AGBL1: variants seen among roughly 807,000 people sequenced by gnomAD.
AGBL1 encodes cytosolic carboxypeptidase 4.
A neutral mutation model predicts 118.9 loss-of-function variants in AGBL1; 130 were observed. That is an observed-to-expected ratio of 1.09 (90% CI 0.95 to 1.26). The LOEUF (loss-of-function observed/expected upper bound fraction) is 1.26. Ranked by LOEUF, AGBL1 falls within the 50% of genes most tolerant of loss-of-function variation. AGBL1 has a pLI of 0.00. For synonymous variants in AGBL1, 555 were observed against 478.9 expected, an observed-to-expected ratio of 1.16 and a Z score of -2.08; for missense variants, 1,584 against 1,298.1, an observed-to-expected ratio of 1.22 and a Z score of -3.38.
chr15:86,262,648 G>T (rs1040737336), intron 9 of AGBL1, 130 bp from the exon 10 acceptor site: 1 of 709,362 alleles, frequency 1.4e-6, no homozygotes, highest in Non-Finnish European at 2.6e-6. Context: ...CACTGGATGG[G>T]CCAGTGCTAT....
intron 5 of AGBL1, among the ~76,000 whole-genome samples, chr15:86,184,429 C>CTTTTTTT (rs199807402): frequency 9.0e-5 from 13 of 144,450 alleles, no homozygotes; most frequent in East Asian, 6.1e-4. Flanking sequence ...TTTCTTTTTT[C>CTTTTTTT]TTTCTTTTTT....
intron 23 of AGBL1, among the ~76,000 whole-genome samples, chr15:86,931,235 T>C (rs1325578321): frequency 1.3e-5 from 2 of 152,246 alleles, no homozygotes; most frequent in African/African-American, 4.8e-5. Flanking sequence ...TTCGCCTTTA[T>C]AGGCCAAACC....
intron 18 of AGBL1, among the ~76,000 whole-genome samples, chr15:86,518,707 C>T (rs1457671210): frequency 1.3e-5 from 2 of 152,000 alleles, no homozygotes; most frequent in Non-Finnish European, 2.9e-5. Context: ...CCCTCAGTGG[C>T]ATATGAAATT....
intron 22 of AGBL1, among the ~76,000 whole-genome samples, chr15:86,743,374 G>A (rs1465362924): frequency 6.6e-6 from 1 of 152,022 alleles, no homozygotes; most frequent in East Asian, 1.9e-4. Flanking sequence ...CTAGGTTCTG[G>A]GGAACATCTT....
At chr15:86,267,763 T>G (rs2079097164) in intron 13 of AGBL1, among the ~76,000 whole-genome samples, 1 of 152,226 alleles carries the variant, frequency 6.6e-6, no homozygotes, top group Non-Finnish European at 1.5e-5. Flanking sequence ...ATTCTTTCTA[T>G]TATAGCAGTG....
At chr15:86,754,719 G>A (rs1468746708) in intron 22 of AGBL1, among the ~76,000 whole-genome samples, 2 of 151,970 alleles carry the variant, frequency 1.3e-5, no homozygotes, top group Admixed American at 6.6e-5. Context: ...CTTTATTGTT[G>A]CTTATGGCAC....
Position 86,837,690 on chromosome 15 carries a change from G to C in AGBL1, c.3159-69397G>C, listed in dbSNP as rs77472522. Among the ~76,000 whole-genome samples, 893 of 152,272 alleles carry C rather than the reference G, an allele frequency of 5.9e-3. 7 individuals carry two copies. Among genetic ancestry groups the C allele is most frequent in the African/African-American group, 0.012 (484 of 41,554 alleles). Reference sequence around the variant, plus strand: ...AGGGGGAGAAATGAGAGCATTGACTGGTGTTTTCTTTGGGTAAAATCCAGG... The same window carrying C: ...AGGGGGAGAAATGAGAGCATTGACTCGTGTTTTCTTTGGGTAAAATCCAGG... On this transcript the variant is annotated intron_variant, in intron 22 of 22. Coordinates refer to ENST00000614907, the MANE Select transcript of AGBL1 (RefSeq NM_001386094.1).
intron 6 of AGBL1, among the ~76,000 whole-genome samples, chr15:86,227,081 T>C (rs2078377688): frequency 6.6e-6 from 1 of 152,280 alleles, no homozygotes; most frequent in African/African-American, 2.4e-5. Context: ...GAATACATGA[T>C]TTGTGATTTT....
At chr15:86,325,000 G>T (rs1446265711) in intron 17 of AGBL1, among the ~76,000 whole-genome samples, 1 of 152,202 alleles carries the variant, frequency 6.6e-6, no homozygotes, top group Non-Finnish European at 1.5e-5. Context: ...TGACATTGGA[G>T]AGGTAGACAG....
chr15:86,498,099 A>G (rs8035308), intron 18 of AGBL1, among the ~76,000 whole-genome samples: 64,881 of 151,768 alleles, frequency 0.43, 15,213 homozygotes, highest in East Asian at 0.68. Context: ...TGGAAATTCT[A>G]TTAACAGAAG....
chr15:86,398,253 T>C lies in AGBL1; in HGVS notation c.2555+707T>C, dbSNP rs551650800. Reference sequence around the variant, plus strand: ...TTGAAATGGACCACATTCTCAGAGTTTGTGAGCTGAGGCCCAGACATCAGA... The same window carrying C: ...TTGAAATGGACCACATTCTCAGAGTCTGTGAGCTGAGGCCCAGACATCAGA... On this transcript the variant is annotated intron_variant, in intron 18 of 22. Transcript: ENST00000614907. Among the ~76,000 whole-genome samples, 4 of 152,232 alleles carry C rather than the reference T, an allele frequency of 2.6e-5. No homozygotes were observed. The East Asian group carries it at 7.7e-4, about 29-fold the overall frequency.
Position 86,220,234 on chromosome 15 carries a change from G to C in AGBL1, c.489-4680G>C, listed in dbSNP as rs573639934. On this transcript the variant is annotated intron_variant, in intron 5 of 22. Transcript: ENST00000614907. ...CCCAAAGTGCTGGGATTACAGGCATGAGCCATCAAGTCCAGTGAATACTGC... is the reference window on the plus strand; with the variant it reads ...CCCAAAGTGCTGGGATTACAGGCATCAGCCATCAAGTCCAGTGAATACTGC... Among the ~76,000 whole-genome samples the C allele has an allele frequency of 7.9e-5, 12 of 152,322 alleles. No individual in the cohort carries two copies. The East Asian group carries it at 2.3e-3, about 29-fold the overall frequency.
rs117360352 is a variant in AGBL1, at chr15:86,278,615, T to G, written c.2076-1024T>G. On this transcript the variant is annotated intron_variant, in intron 15 of 22. Coordinates refer to ENST00000614907, the MANE Select transcript of AGBL1 (RefSeq NM_001386094.1). ...AGAACACACAAGAATAATTACCTAC[T>G]ATTTCTTCCCTTCCCCTTCCCTTTC... Among the ~76,000 whole-genome samples the G allele has an allele frequency of 5.6e-3, 857 of 152,342 alleles. 5 individuals are homozygous for G. Among genetic ancestry groups the G allele is most frequent in the African/African-American group, 0.02 (825 of 41,578 alleles).
At chr15:86,634,802 C>T (rs1353730837) in intron 21 of AGBL1, among the ~76,000 whole-genome samples, 1 of 152,088 alleles carries the variant, frequency 6.6e-6, no homozygotes, top group East Asian at 1.9e-4. Context: ...GCTAATATAA[C>T]TGAAAAGACT....
chr15:86,423,795 T>G (rs11073634), intron 18 of AGBL1, among the ~76,000 whole-genome samples: 65,730 of 151,838 alleles, frequency 0.43, 15,324 homozygotes, highest in East Asian at 0.68. Context: ...GCTACAAAGA[T>G]AATAAAATAC....
At chr15:86,754,687 G>T (rs546298919) in intron 22 of AGBL1, among the ~76,000 whole-genome samples, 7 of 152,156 alleles carry the variant, frequency 4.6e-5, no homozygotes, top group Admixed American at 2.6e-4. Flanking sequence ...TTCCACTCCG[G>T]TGTTCAATTG....
chr15:86,849,144 C>T (rs1298458454), intron 22 of AGBL1, among the ~76,000 whole-genome samples: 2 of 152,196 alleles, frequency 1.3e-5, no homozygotes, highest in Non-Finnish European at 2.9e-5. Flanking sequence ...GCTTATCCAT[C>T]GCCAGTTCTG....
chr15:86,840,430 G>A (rs1378873886), intron 22 of AGBL1, among the ~76,000 whole-genome samples: 1 of 152,062 alleles, frequency 6.6e-6, no homozygotes, highest in Admixed American at 6.6e-5. Context: ...CCAAATGCAT[G>A]TTCTATTCTT....
intron 22 of AGBL1, among the ~76,000 whole-genome samples, chr15:86,684,836 A>G (rs1188660403): frequency 6.6e-6 from 1 of 152,136 alleles, no homozygotes; most frequent in Non-Finnish European, 1.5e-5. Flanking sequence ...CTCACATTCT[A>G]ACATCAGTAG....
Sources: allele counts gnomAD v4.1 joint callset (sites outside exome capture counted in the v4.1 genomes callset), GRCh38; gene constraint gnomAD v4.1.1; transcripts MANE v1.5; gene names NCBI Gene and HGNC (gene_info 2026-07-23, HGNC 2026-07-21).